Variants in IMMP2L observed in about 807,000 individuals in gnomAD.
IMMP2L encodes inner mitochondrial membrane peptidase subunit 2, also known as mitochondrial inner membrane protease subunit 2.
IMMP2L carries 18 observed loss-of-function variants against 19.3 expected under a neutral mutation model. The observed-to-expected ratio is 0.93, with a 90% CI of 0.64 to 1.38. The LOEUF is 1.38. Ranked by LOEUF, IMMP2L falls within the 40% of genes most tolerant of loss-of-function variation. The pLI, the probability that IMMP2L is intolerant of heterozygous loss-of-function variation, is 0.00. For synonymous variants in IMMP2L, 76 were observed against 73.0 expected (o/e 1.04, Z -0.21); for missense variants, 233 against 218.2 (o/e 1.07, Z -0.43).
chr7:110,788,847 GTTTCCTATCCTTGA>G (rs1800268179), intron 5 of IMMP2L, among the ~76,000 whole-genome samples: 3 of 151,724 alleles, frequency 2.0e-5, no homozygotes, highest in Admixed American at 2.0e-4. Flanking sequence ...TAGTACATCT[GTTTCCTATCCTTGA>G]TTCCGTGTGA....
chr7:111,264,544 A>T (rs545872977), intron 3 of IMMP2L, among the ~76,000 whole-genome samples: 8 of 151,952 alleles, frequency 5.3e-5, no homozygotes, highest in Non-Finnish European at 1.0e-4. Context: ...ACAGGAATCA[A>T]ATCTGTGAAT....
intron 3 of IMMP2L, among the ~76,000 whole-genome samples, chr7:111,309,736 T>C (rs1823295872): frequency 6.6e-6 from 1 of 152,170 alleles, no homozygotes. Flanking sequence ...TTTGTTGTAC[T>C]TGTGACCGAC....
At position 111,539,272 on chromosome 7, in the gene IMMP2L, GAA is replaced by G; in HGVS notation, c.-2-17825_-2-17824del. On this transcript the variant is annotated intron_variant, in intron 1 of 5. Transcript: ENST00000405709. ...AAAGAAAGAAAGAAAGAAAGAAAGAGAACATACGTCGATTACTACATATATAT... is the reference window on the plus strand; with the variant it reads ...AAAGAAAGAAAGAAAGAAAGAAAGAGCATACGTCGATTACTACATATATAT... Among the ~76,000 whole-genome samples the G allele has an allele frequency of 1.4e-5, 2 of 148,006 alleles. 1 individual carries two copies. The highest frequency in any genetic ancestry group is 4.3e-4 in the South Asian group (2 of 4,696).
Position 110,887,108 on chromosome 7 carries a change from C to T in IMMP2L, c.306-413G>A, listed in dbSNP as rs188011296. 1.8e-3 allele frequency among the ~76,000 whole-genome samples: 267 copies of T among 151,892 alleles called. 1 individual carries two copies. Among genetic ancestry groups the T allele is most frequent in the African/African-American group, 6.2e-3 (256 of 41,468 alleles). ...GCACAACTACAGTCTTCATTTTTTT[C>T]GGTCAAACTTCTCAAACCAATAGAC... On this transcript the variant is annotated intron_variant, in intron 4 of 5. Transcript: ENST00000405709.
At chr7:110,752,268 C>G (rs561384230) in intron 5 of IMMP2L, among the ~76,000 whole-genome samples, 34 of 151,990 alleles carry the variant, frequency 2.2e-4, no homozygotes, top group African/African-American at 8.0e-4. Context: ...CAATAGATTT[C>G]TTGGGATGCA....
chr7:110,899,053 TA>T (rs1263853630), intron 4 of IMMP2L, among the ~76,000 whole-genome samples: 1 of 152,162 alleles, frequency 6.6e-6, no homozygotes, highest in Non-Finnish European at 1.5e-5. Context: ...TTTTATTTTT[TA>T]ATAATTTCTC....
intron 5 of IMMP2L, among the ~76,000 whole-genome samples, chr7:110,683,243 T>C (rs1342586432): frequency 6.6e-6 from 1 of 152,100 alleles, no homozygotes; most frequent in Non-Finnish European, 1.5e-5. Context: ...AAATATATAA[T>C]GTAAAACCTC....
chr7:111,237,259 A>G (rs1814440244), intron 3 of IMMP2L, among the ~76,000 whole-genome samples: 1 of 152,148 alleles, frequency 6.6e-6, no homozygotes, highest in Non-Finnish European at 1.5e-5. Context: ...AAGGAAGAAG[A>G]AAACAATGCT....
intron 3 of IMMP2L, among the ~76,000 whole-genome samples, chr7:111,202,484 C>A (rs941879303): frequency 2.0e-5 from 3 of 152,146 alleles, no homozygotes; most frequent in Non-Finnish European, 2.9e-5. Context: ...ATAAACCCAA[C>A]GGGGCAAAGA....
chr7:111,428,646 T>C (rs1387802916), intron 3 of IMMP2L, among the ~76,000 whole-genome samples: 2 of 150,956 alleles, frequency 1.3e-5, no homozygotes, highest in Non-Finnish European at 2.9e-5. Context: ...GACAATGCAG[T>C]TTATTTTAAA....
chr7:111,398,883 A>C (rs923469779), intron 3 of IMMP2L, among the ~76,000 whole-genome samples: 7 of 126,274 alleles, frequency 5.5e-5, no homozygotes, highest in Admixed American at 5.3e-4. Context: ...CAATAGCTGC[A>C]AAAAAAAAAA....
At position 111,093,316 on chromosome 7, in the gene IMMP2L, GAA is replaced by G. The variant is rs551662046; in HGVS notation, c.240-129753_240-129752del. Reference sequence around the variant, plus strand: ...AACCAAAATGATTTATTACAAAAAGGAAAAAGTGTTTTATTTGCTTTTCTGCT... The same window carrying G: ...AACCAAAATGATTTATTACAAAAAGGAAAGTGTTTTATTTGCTTTTCTGCT... On this transcript the variant is annotated intron_variant, in intron 3 of 5. Coordinates refer to ENST00000405709, the MANE Select transcript of IMMP2L (RefSeq NM_032549.4). Among the ~76,000 whole-genome samples, 186 of 152,166 alleles carry G rather than the reference GAA, an allele frequency of 1.2e-3. 1 individual carries two copies. The highest frequency in any genetic ancestry group is 0.01 in the Middle Eastern group (3 of 294).
intron 3 of IMMP2L, among the ~76,000 whole-genome samples, chr7:111,080,695 T>C (rs962098936): frequency 9.9e-5 from 15 of 152,172 alleles, no homozygotes; most frequent in Admixed American, 3.3e-4. Flanking sequence ...ATCTTATAAA[T>C]GCTGACTTTG....
intron 3 of IMMP2L, chr7:111,124,173 T>C (rs1238902970): frequency 2.5e-6 from 4 of 1,613,816 alleles, no homozygotes; most frequent in African/African-American, 2.7e-5. Flanking sequence ...TCTTGCCTAA[T>C]ACCCTGACAG....
intron 3 of IMMP2L, among the ~76,000 whole-genome samples, chr7:111,073,278 A>G (rs1240476889): frequency 6.6e-6 from 1 of 152,168 alleles, no homozygotes; most frequent in African/African-American, 2.4e-5. Context: ...TGGGGGAGAC[A>G]GAGAGAGGAG....
intron 3 of IMMP2L, among the ~76,000 whole-genome samples, chr7:111,202,221 C>T (rs1011720931): frequency 6.6e-6 from 1 of 152,120 alleles, no homozygotes; most frequent in Non-Finnish European, 1.5e-5. Context: ...ATTTCCATGA[C>T]ACCCACTCTT....
At chr7:111,039,931 C>T (rs913353094) in intron 3 of IMMP2L, among the ~76,000 whole-genome samples, 2 of 151,982 alleles carry the variant, frequency 1.3e-5, no homozygotes, top group African/African-American at 4.8e-5. Context: ...TTTGGGAGGC[C>T]GAGGCGGGTG....
At chr7:110,935,212 C>T (rs992634256) in intron 4 of IMMP2L, among the ~76,000 whole-genome samples, 2 of 152,106 alleles carry the variant, frequency 1.3e-5, no homozygotes, top group African/African-American at 4.8e-5. Context: ...AATCTCTCAT[C>T]ATTTGCTTGT....
chr7:110,972,498 G>C (rs977858438), intron 3 of IMMP2L, among the ~76,000 whole-genome samples: 2 of 151,972 alleles, frequency 1.3e-5, no homozygotes, highest in East Asian at 1.9e-4. Context: ...GCTATAGAGA[G>C]GGGGGAAAGA....
Sources: allele counts gnomAD v4.1 joint callset (sites outside exome capture counted in the v4.1 genomes callset), GRCh38; gene constraint gnomAD v4.1.1; transcripts MANE v1.5; gene names NCBI Gene and HGNC (gene_info 2026-07-23, HGNC 2026-07-21).